The following PHF21B variants were observed in gnomAD, a reference collection of about 807,000 sequenced individuals.
PHF21B encodes PHD finger protein 4.
PHF21B carries 22 observed loss-of-function variants against 62.2 expected under a neutral mutation model. The observed-to-expected ratio is 0.35, with a 90% CI of 0.25 to 0.51. PHF21B has a LOEUF of 0.51. Among genes scored for constraint, PHF21B ranks in the 20% least tolerant of loss-of-function variants. The pLI is 0.97. For missense variants in PHF21B, 701 were observed against 707.9 expected, an observed-to-expected ratio of 0.99 and a Z score of 0.11; for synonymous variants, 341 against 314.7, an observed-to-expected ratio of 1.08 and a Z score of -0.88.
chr22:44,906,787 C>T (rs1347167614), intron 5 of PHF21B, among the ~76,000 whole-genome samples: 5 of 152,222 alleles, frequency 3.3e-5, no homozygotes, highest in Admixed American at 3.3e-4. Flanking sequence ...GTGCAGCCGC[C>T]GTGACGACAG....
chr22:44,883,214 G>A lies in PHF21B; in HGVS notation c.1468C>T (p.Gln490Ter). ...GTGACCTGGAGCAGCTGCTCGCCCT[G>A]TATCAGTCTCAGGAGGGCCCGCAGG... ...DRLRALLRLI[Q>*]GEQLLQVTMT... Residue 490 changes from glutamine (Q) to a stop codon, truncating the protein, a stop_gained, in exon 13 of 13, where the codon CAG becomes TAG. Transcript: ENST00000313237. LOFTEE classifies it high-confidence loss of function. The A allele has an allele frequency of 6.2e-7, 1 of 1,613,870 alleles. No individual in the cohort carries two copies.
intron 5 of PHF21B, among the ~76,000 whole-genome samples, chr22:44,908,425 A>G (rs1409619253): frequency 1.3e-5 from 2 of 152,106 alleles, no homozygotes; most frequent in Non-Finnish European, 2.9e-5. Flanking sequence ...ATGGGGTCTG[A>G]GAGCTACTGA....
chr22:44,943,593 G>A (rs1473811), intron 2 of PHF21B, among the ~76,000 whole-genome samples: 80,520 of 151,950 alleles, frequency 0.53, 22,284 homozygotes, highest in Non-Finnish European at 0.63. Flanking sequence ...AGTCCTGGCA[G>A]CTGGCTCACA....
intron 2 of PHF21B, among the ~76,000 whole-genome samples, chr22:44,948,997 A>T (rs544691735): frequency 6.6e-6 from 1 of 152,224 alleles, no homozygotes; most frequent in Admixed American, 6.5e-5. Flanking sequence ...GTAACGCTCA[A>T]GCTCTTTTGA....
chr22:44,884,046 A>AT lies in PHF21B; in HGVS notation c.1378-743_1378-742insA, dbSNP rs200241498. ...CACCACCATCACTGTGATCAGCACC[A>AT]CCACCACCATCACCACCACCATGAT... On this transcript the variant is annotated intron_variant, in intron 12 of 12. Transcript: ENST00000313237. Among the ~76,000 whole-genome samples the AT allele has an allele frequency of 5.5e-3, 126 of 23,070 alleles. 1 individual carries two copies. Among genetic ancestry groups the AT allele is most frequent in the African/African-American group, 0.016 (58 of 3,572 alleles). The allele number at this position is 23,070 out of a possible 152,430, so 15.1% of individuals were successfully genotyped here. A position where few individuals can be genotyped will look rare whatever the true frequency, so the allele number is the denominator to read the frequency against.
chr22:44,985,915 T>C (rs983776171), intron 2 of PHF21B, among the ~76,000 whole-genome samples: 3 of 142,230 alleles, frequency 2.1e-5, no homozygotes, highest in African/African-American at 8.0e-5. Context: ...AGCACCACCA[T>C]CACCATCAGC....
intron 2 of PHF21B, among the ~76,000 whole-genome samples, chr22:44,934,958 T>C (rs902057374): frequency 6.6e-6 from 1 of 152,086 alleles, no homozygotes; most frequent in Non-Finnish European, 1.5e-5. Context: ...AGAGAAGACA[T>C]GTGGCGCTAG....
intron 2 of PHF21B, among the ~76,000 whole-genome samples, chr22:44,997,539 A>ATTAATCACAGACTAGACTC (rs1411038080): frequency 2.0e-5 from 3 of 152,190 alleles, no homozygotes; most frequent in Non-Finnish European, 4.4e-5. Context: ...ACTGAGACGC[A>ATTAATCACAGACTAGACTC]TTAATCACAG....
rs376612588 is a variant in PHF21B at position 44,881,616 on chromosome 22, C to G, written c.*1470G>C. 6.5e-6 allele frequency: 1 copy of G among 152,726 alleles called. No individual in the cohort carries two copies. Among genetic ancestry groups the G allele is most frequent in the African/African-American group, 2.4e-5 (1 of 41,468 alleles). 9.5% of individuals were successfully genotyped at this position (152,726 alleles called of 1,614,324 possible). On this transcript the variant is annotated 3_prime_UTR_variant, in exon 13 of 13. Transcript: ENST00000313237. ...GAGTCGTGAGAATGACAGGAGGGAC[C>G]GTGGCAGCTGCGGGATTTGCCGGCC...
intron 10 of PHF21B, among the ~76,000 whole-genome samples, chr22:44,887,008 T>C (rs2070871197): frequency 6.6e-6 from 1 of 151,074 alleles, no homozygotes; most frequent in South Asian, 2.1e-4. Context: ...TACAAAAAAT[T>C]AGCCAGGAGT....
chr22:44,987,589 A>G (rs1269254717), intron 2 of PHF21B, among the ~76,000 whole-genome samples: 1 of 152,090 alleles, frequency 6.6e-6, no homozygotes, highest in Non-Finnish European at 1.5e-5. Flanking sequence ...GCACAGGGTT[A>G]GAGCTCAGAG....
At chr22:44,940,296 T>C (rs777809732) in intron 2 of PHF21B, among the ~76,000 whole-genome samples, 2 of 152,124 alleles carry the variant, frequency 1.3e-5, no homozygotes, top group Non-Finnish European at 2.9e-5. Flanking sequence ...GCCCTTAAAT[T>C]CACCAGCAAG....
chr22:44,951,123 G>A (rs2072185358), intron 2 of PHF21B, among the ~76,000 whole-genome samples: 1 of 152,124 alleles, frequency 6.6e-6, no homozygotes, highest in South Asian at 2.1e-4. Flanking sequence ...CACAGATATG[G>A]TTTTGATATG....
At chr22:44,985,193 A>G (rs1033071312) in intron 2 of PHF21B, among the ~76,000 whole-genome samples, 4 of 152,230 alleles carry the variant, frequency 2.6e-5, no homozygotes, top group African/African-American at 7.2e-5. Context: ...ACAGTTTGTA[A>G]ATAAATGTAA....
chr22:44,885,232 G>A (rs1403674824), intron 12 of PHF21B, among the ~76,000 whole-genome samples, 194 bp downstream of exon 12: 1 of 140,540 alleles, frequency 7.1e-6, no homozygotes, highest in African/African-American at 2.6e-5. Context: ...CACCTGCAGG[G>A]CTGAGGCCAG....
chr22:44,958,970 A>T (rs988823620), intron 2 of PHF21B, among the ~76,000 whole-genome samples: 7 of 151,430 alleles, frequency 4.6e-5, no homozygotes, highest in Admixed American at 1.3e-4. Context: ...TGCGCAATCT[A>T]CATTTCCAAT....
chr22:44,900,783 CTTTTT>C (rs34015375), intron 5 of PHF21B, among the ~76,000 whole-genome samples: 3 of 128,376 alleles, frequency 2.3e-5, no homozygotes, highest in African/African-American at 8.8e-5. Flanking sequence ...TAAAGTGACT[CTTTTT>C]TTTTTTTTTT....
chr22:44,885,324 C>A, intron 12 of PHF21B, 102 bp downstream of exon 12: 1 of 1,155,300 alleles, frequency 8.7e-7, no homozygotes. Context: ...TGAGGCCAGC[C>A]TGGATCTACA....
chr22:44,935,397 G>A (rs1239789491), intron 2 of PHF21B, among the ~76,000 whole-genome samples: 5 of 152,122 alleles, frequency 3.3e-5, no homozygotes, highest in African/African-American at 7.2e-5. Flanking sequence ...GGCGGATCAC[G>A]AGGTCAGGAG....
Sources: gnomAD v4.1 joint callset for allele counts (sites outside exome capture counted in the v4.1 genomes callset) on GRCh38, gnomAD v4.1.1 for gene constraint, MANE v1.5 for transcripts, NCBI Gene and HGNC (gene_info 2026-07-23, HGNC 2026-07-21) for gene names.